The following ERBB3 variants were observed in gnomAD, a reference collection of about 807,000 sequenced individuals.
The protein encoded by ERBB3 is receptor tyrosine-protein kinase erbB-3.
A neutral mutation model predicts 156.7 loss-of-function variants in ERBB3; 96 were observed. The ratio of observed to expected loss-of-function variants is 0.61; its 90% CI spans 0.52 to 0.73. The LOEUF (loss-of-function observed/expected upper bound fraction) is 0.73. Among genes scored for constraint, ERBB3 ranks in the 30% least tolerant of loss-of-function variants. ERBB3 has a pLI of 0.00. For synonymous variants in ERBB3, 567 were observed against 632.0 expected (o/e 0.90, Z 1.54); for missense variants, 1,406 against 1,709.4 (o/e 0.82, Z 3.13).
chr12:56,096,267 T>C (rs1868885635), intron 17 of ERBB3: 1 of 585,870 alleles, frequency 1.7e-6, no homozygotes, highest in Non-Finnish European at 3.0e-6. Flanking sequence ...CACTTTGTGC[T>C]CCTCCATCAA....
rs1869151089 is a variant in ERBB3 at position 56,102,625 on chromosome 12, G to A, written c.*570G>A. ...AACTTCACCTACATTATCTCACTTA[G>A]TCCTTTATCATCCTTAAAACAATTC... is the stretch of plus-strand genomic sequence containing the variant. On this transcript the variant is annotated 3_prime_UTR_variant, in exon 28 of 28. Coordinates refer to ENST00000267101, the MANE Select transcript of ERBB3 (RefSeq NM_001982.4). The A allele has an allele frequency of 4.3e-6, 1 of 233,036 alleles. No homozygotes were observed. The highest frequency in any genetic ancestry group is 2.2e-5 in the African/African-American group (1 of 45,146). The allele number at this position is 233,036 out of a possible 1,614,324, so 14.4% of individuals were successfully genotyped here.
At chr12:56,094,654 A>T in intron 15 of ERBB3, 98 bp downstream of exon 15, 3 of 1,415,836 alleles carry the variant, frequency 2.1e-6, no homozygotes, top group Non-Finnish European at 1.9e-6. Context: ...CTGTGATTCA[A>T]GAATCACTCC....
intron 21 of ERBB3, chr12:56,098,155 A>C (rs1868952552): frequency 2.5e-5 from 15 of 590,232 alleles, no homozygotes; most frequent in Non-Finnish European, 4.2e-5. Flanking sequence ...CTGTAATCCC[A>C]ACACTTCGGG....
chr12:56,102,829 A>C lies in ERBB3; in HGVS notation c.*774A>C, dbSNP rs61632170. ...TTTAAAAAAAAAAAAAAAAAAAAAA[A>C]AAAAACTTTAGAACTGGGTGCAGTG... On this transcript the variant is annotated 3_prime_UTR_variant, in exon 28 of 28. Coordinates refer to ENST00000267101, the MANE Select transcript of ERBB3 (RefSeq NM_001982.4). 997 of 215,434 alleles carry C rather than the reference A, an allele frequency of 4.6e-3. 11 individuals are homozygous for C. Among genetic ancestry groups the C allele is most frequent in the African/African-American group, 0.021 (938 of 43,990 alleles). The allele number at this position is 215,434 out of a possible 1,614,324, so 13.3% of individuals were successfully genotyped here.
intron 13 of ERBB3, 32 bp downstream of exon 13, chr12:56,093,928 G>A: frequency 6.2e-7 from 1 of 1,612,200 alleles, no homozygotes; most frequent in Non-Finnish European, 8.5e-7. Context: ...AAGGATGGGT[G>A]GGGGTGGGGC....
At chr12:56,092,911 G>A (rs1868762941) in intron 10 of ERBB3, 75 bp from the exon 11 acceptor site, 2 of 1,543,374 alleles carry the variant, frequency 1.3e-6, no homozygotes, top group Non-Finnish European at 1.8e-6. Context: ...CACGTCCCAA[G>A]TTATAGGGGA....
In ERBB3 at chr12:56,088,665, G is replaced by A. The variant is rs1403504528; in HGVS notation, c.988+9G>A. ...GGGACTATGTCCCAAAGGTGGGTAG[G>A]AGATGGTAAGAAGTTGTAAAGAGAC... On this transcript the variant is annotated intron_variant, in intron 8 of 27. Coordinates refer to ENST00000267101, the MANE Select transcript of ERBB3 (RefSeq NM_001982.4). The A allele has an allele frequency of 4.3e-6, 7 of 1,613,992 alleles. No homozygotes were observed. Among genetic ancestry groups the A allele is most frequent in the East Asian group, 2.2e-5 (1 of 44,886 alleles).
At position 56,100,168 on chromosome 12, in the gene ERBB3, T is replaced by C. The variant is rs1168316313; in HGVS notation, c.3130-6T>C. On this transcript the variant is annotated splice_polypyrimidine_tract_variant and splice_region_variant and intron_variant, in intron 25 of 27. Coordinates refer to ENST00000267101, the MANE Select transcript of ERBB3 (RefSeq NM_001982.4). ...TCTTAACCTTTTCCTTATTTTTTCATCCTAGAGCCAGAGCCTTTTAAGTCC... is the reference window on the plus strand; with the variant it reads ...TCTTAACCTTTTCCTTATTTTTTCACCCTAGAGCCAGAGCCTTTTAAGTCC... The C allele has an allele frequency of 6.2e-7, 1 of 1,613,096 alleles. No homozygotes were observed. The highest frequency in any genetic ancestry group is 1.1e-5 in the South Asian group (1 of 90,790).
Position 56,102,064 on chromosome 12 carries a change from CCCTGT to C in ERBB3, c.*10_*14del. 1 of 1,604,668 alleles carries C rather than the reference CCCTGT, an allele frequency of 6.2e-7. No individual in the cohort carries two copies. The highest frequency in any genetic ancestry group is 8.5e-7 in the Non-Finnish European group (1 of 1,179,604). ...ATGCCCAGAGAACGTAACTCCTGCT[CCCTGT>C]GGCACTCAGGGAGCATTTAATGGCA... On this transcript the variant is annotated 3_prime_UTR_variant, in exon 28 of 28. Coordinates refer to ENST00000267101, the MANE Select transcript of ERBB3 (RefSeq NM_001982.4).
rs994413213 is a variant in ERBB3, at chr12:56,102,330, A to G, written c.*275A>G. ...CCCATTCCTCAGCTTCTTCACAGGC[A>G]CTCCTGGAGATATGAAGGATTACTC... On this transcript the variant is annotated 3_prime_UTR_variant, in exon 28 of 28. Coordinates refer to ENST00000267101, the MANE Select transcript of ERBB3 (RefSeq NM_001982.4). 1 of 472,844 alleles carries G rather than the reference A, an allele frequency of 2.1e-6. No individual in the cohort carries two copies. The highest frequency in any genetic ancestry group is 1.9e-5 in the African/African-American group (1 of 51,680). The allele number at this position is 472,844 out of a possible 1,614,324, so 29.3% of individuals were successfully genotyped here.
rs1868782199 is a variant in ERBB3, at chr12:56,093,443, C to G, written c.1373C>G (p.Ala458Gly). Reference protein sequence around the residue: ...EISAGRIYISANRQLCYHHSL... With the variant: ...EISAGRIYISGNRQLCYHHSL... Reference sequence around the variant, plus strand: ...AGTGCTGGGCGTATCTATATAAGTGCCAATAGGCAGCTCTGCTACCACCAC... The same window carrying G: ...AGTGCTGGGCGTATCTATATAAGTGGCAATAGGCAGCTCTGCTACCACCAC... Residue 458 changes from alanine to glycine, a missense_variant, in exon 12 of 28, where the codon GCC becomes GGC. Around this residue, in one of 3 missense-constraint regions of ERBB3, gnomAD observed 979 missense variants for 1,219.6 expected, o/e 0.80. Coordinates refer to ENST00000267101, the MANE Select transcript of ERBB3 (RefSeq NM_001982.4). The G allele has an allele frequency of 6.2e-7, 1 of 1,613,848 alleles. No individual in the cohort carries two copies. The highest frequency in any genetic ancestry group is 8.5e-7 in the Non-Finnish European group (1 of 1,179,968).
At chr12:56,094,334 G>A in intron 14 of ERBB3, 68 bp from the exon 15 acceptor site, 2 of 1,589,208 alleles carry the variant, frequency 1.3e-6, no homozygotes, top group Non-Finnish European at 1.7e-6. Flanking sequence ...GTCTGGGTTG[G>A]TCTTTGCTGG....
chr12:56,083,920 C>T lies in ERBB3; in HGVS notation c.234+18C>T. Reference sequence around the variant, plus strand: ...TCCTGCAGGTTAGTGAGCCCACCCTCCTTCCTCAACCTGCTCCTCTTTATT... The same window carrying T: ...TCCTGCAGGTTAGTGAGCCCACCCTTCTTCCTCAACCTGCTCCTCTTTATT... On this transcript the variant is annotated intron_variant, in intron 2 of 27. Coordinates refer to ENST00000267101, the MANE Select transcript of ERBB3 (RefSeq NM_001982.4). 1 of 1,611,978 alleles carries T rather than the reference C, an allele frequency of 6.2e-7. No individual in the cohort carries two copies. Among genetic ancestry groups the T allele is most frequent in the Non-Finnish European group, 8.5e-7 (1 of 1,178,164 alleles).
Position 56,088,732 on chromosome 12 carries a change from T to G in ERBB3, c.989-16T>G. ...CTGCGCAGACCACCCCCACTGAACC[T>G]CTCTTACATTTGCAGCCTGTGAGGG... On this transcript the variant is annotated splice_polypyrimidine_tract_variant and intron_variant, in intron 8 of 27. Transcript: ENST00000267101. 1 of 1,613,986 alleles carries G rather than the reference T, an allele frequency of 6.2e-7. No homozygotes were observed. The highest frequency in any genetic ancestry group is 8.5e-7 in the Non-Finnish European group (1 of 1,179,978).
intron 9 of ERBB3, among the ~76,000 whole-genome samples, chr12:56,089,612 GCA>G (rs1868603069): frequency 6.6e-6 from 1 of 151,970 alleles, no homozygotes; most frequent in Admixed American, 6.6e-5. Context: ...GTGTGGTGGT[GCA>G]CATGCCTGTA....
In ERBB3 at chr12:56,098,248, CAA is replaced by C. The variant is rs56112932; in HGVS notation, c.2617-239_2617-238del. 229,766 of 464,232 alleles carry C rather than the reference CAA, an allele frequency of 0.49. 31,224 individuals carry two copies. Among genetic ancestry groups the C allele is most frequent in the African/African-American group, 0.68 (33,765 of 49,952 alleles). 28.8% of individuals were successfully genotyped at this position (464,232 alleles called of 1,614,324 possible). On this transcript the variant is annotated intron_variant, in intron 21 of 27. Coordinates refer to ENST00000267101, the MANE Select transcript of ERBB3 (RefSeq NM_001982.4). ...TGAAACCCCGTCTCTACTAAATATA[CAA>C]AAAAAAAAAAAATTAGCCAGGCGTG...
Position 56,083,915 on chromosome 12 carries a change from A to G in ERBB3, c.234+13A>G, listed in dbSNP as rs751083456. 6.2e-7 allele frequency: 1 copy of G among 1,613,002 alleles called. No homozygotes were observed. The highest frequency in any genetic ancestry group is 1.3e-5 in the African/African-American group (1 of 74,918). On this transcript the variant is annotated intron_variant, in intron 2 of 27. Coordinates refer to ENST00000267101, the MANE Select transcript of ERBB3 (RefSeq NM_001982.4). ...CTCCTTCCTGCAGGTTAGTGAGCCCACCCTCCTTCCTCAACCTGCTCCTCT... is the reference window on the plus strand; with the variant it reads ...CTCCTTCCTGCAGGTTAGTGAGCCCGCCCTCCTTCCTCAACCTGCTCCTCT...
At chr12:56,088,497 G>A (rs1162879135) in intron 7 of ERBB3, 46 bp from the exon 8 acceptor site, 4 of 1,399,382 alleles carry the variant, frequency 2.9e-6, no homozygotes, top group African/African-American at 1.4e-5. Context: ...GGTAGCTGGT[G>A]ATGTTCCTCC....
Position 56,097,776 on chromosome 12 carries a change from T to A in ERBB3, c.2461-9T>A. ...ACCTTAAGAATACTTTCTTCCCCTA[T>A]ACCTACAGGGAATGTACTACCTTGA... On this transcript the variant is annotated splice_polypyrimidine_tract_variant and intron_variant, in intron 20 of 27. Transcript: ENST00000267101. The A allele has an allele frequency of 3.1e-6, 5 of 1,613,124 alleles. No individual in the cohort carries two copies. In the South Asian group the frequency reaches 5.5e-5, roughly 18 times the overall value.
Sources: gnomAD v4.1 joint callset for allele counts (sites outside exome capture counted in the v4.1 genomes callset) on GRCh38, gnomAD v4.1.1 for gene constraint, gnomAD v4.1.1 regional missense constraint, MANE v1.5 for transcripts, NCBI Gene and HGNC (gene_info 2026-07-23, HGNC 2026-07-21) for gene names.